Variants in BASP1 observed in about 807,000 individuals in gnomAD.
The protein encoded by BASP1 is brain acid soluble protein 1.
BASP1 carries 1 observed loss-of-function variant against 2.2 expected under a neutral mutation model. The ratio of observed to expected loss-of-function variants is 0.46; its 90% CI spans 0.16 to 2.17. The LOEUF (loss-of-function observed/expected upper bound fraction) is 2.17, where lower values mean the gene tolerates loss of function less well. Among genes scored for constraint, BASP1 ranks in the 30% most tolerant of loss-of-function variants. BASP1 has a pLI of 0.27. For missense variants in BASP1, 352 were observed against 327.2 expected, an observed-to-expected ratio of 1.08 and a Z score of -0.58; for synonymous variants, 187 against 154.2, an observed-to-expected ratio of 1.21 and a Z score of -1.58.
intron 1 of BASP1, among the ~76,000 whole-genome samples, chr5:17,222,560 T>A (rs1287471067): frequency 6.6e-6 from 1 of 152,148 alleles, no homozygotes; most frequent in African/African-American, 2.4e-5. Context: ...ATAGTTCAAT[T>A]GTAATTTTGA....
chr5:17,252,573 G>A (rs940636709), intron 1 of BASP1, among the ~76,000 whole-genome samples: 1 of 152,174 alleles, frequency 6.6e-6, no homozygotes, highest in Non-Finnish European at 1.5e-5. Flanking sequence ...TTTAACCTGT[G>A]TGTCCAGAGT....
intron 1 of BASP1, among the ~76,000 whole-genome samples, chr5:17,255,813 A>G (rs956483352): frequency 1.1e-4 from 17 of 152,190 alleles, no homozygotes; most frequent in African/African-American, 4.1e-4. Flanking sequence ...CTATTAAGAC[A>G]CTATGCCTTT....
chr5:17,263,985 CCGA>C (rs1481925099), intron 1 of BASP1, among the ~76,000 whole-genome samples: 1 of 152,124 alleles, frequency 6.6e-6, no homozygotes, highest in Non-Finnish European at 1.5e-5. Context: ...GAATCAGACA[CCGA>C]CAACAATAAT....
At chr5:17,248,782 A>G (rs550713563) in intron 1 of BASP1, among the ~76,000 whole-genome samples, 45 of 152,300 alleles carry the variant, frequency 3.0e-4, no homozygotes, top group African/African-American at 1.0e-3. Context: ...ATAATCTCTT[A>G]AAAAATATGT....
chr5:17,224,567 T>C (rs73756381), intron 1 of BASP1, among the ~76,000 whole-genome samples: 4,657 of 152,308 alleles, frequency 0.031, 228 homozygotes, highest in African/African-American at 0.1. Context: ...TGAAAAATTA[T>C]TTATGGAAGA....
chr5:17,275,225 C>T lies in BASP1; in HGVS notation c.9C>T (p.Gly3=). 1.9e-6 allele frequency: 3 copies of T among 1,613,430 alleles called. No individual in the cohort carries two copies. Among genetic ancestry groups the T allele is most frequent in the Non-Finnish European group, 2.5e-6 (3 of 1,179,848 alleles). The change falls in exon 2 of 2, where the codon GGC becomes GGT. Residue 3 remains glycine (G), a synonymous_variant. Transcript: ENST00000322611. The surrounding 1 kb of genome is among the most constrained non-coding windows in gnomAD (Gnocchi z 5.3). ...GCTTCCAGAACTCCAAGATGGGAGGCAAGCTCAGCAAGAAGAAGAAGGGCT... is the reference window on the plus strand; with the variant it reads ...GCTTCCAGAACTCCAAGATGGGAGGTAAGCTCAGCAAGAAGAAGAAGGGCT... MG[G]KLSKKKKGYN...
intron 1 of BASP1, among the ~76,000 whole-genome samples, chr5:17,242,137 G>T (rs1200278800): frequency 6.6e-6 from 1 of 152,130 alleles, no homozygotes; most frequent in African/African-American, 2.4e-5. Flanking sequence ...GGCGTTCTTT[G>T]ATGCACCATT....
At chr5:17,253,776 A>G (rs1740147131) in intron 1 of BASP1, among the ~76,000 whole-genome samples, 1 of 152,174 alleles carries the variant, frequency 6.6e-6, no homozygotes, top group Non-Finnish European at 1.5e-5. Flanking sequence ...CTGGGGTTAC[A>G]GACTGGAATC....
At chr5:17,270,577 A>G (rs1740511798) in intron 1 of BASP1, among the ~76,000 whole-genome samples, 2 of 152,250 alleles carry the variant, frequency 1.3e-5, no homozygotes, top group Non-Finnish European at 2.9e-5. Context: ...CACATATACC[A>G]AACATCTTTC....
intron 1 of BASP1, among the ~76,000 whole-genome samples, chr5:17,226,431 C>A (rs1222384279): frequency 1.3e-5 from 2 of 152,128 alleles, no homozygotes; most frequent in African/African-American, 4.8e-5. Flanking sequence ...ACCATTACCA[C>A]GTAGACTAAT....
chr5:17,223,022 CTCT>C (rs1300137502), intron 1 of BASP1, among the ~76,000 whole-genome samples: 2 of 132,898 alleles, frequency 1.5e-5, no homozygotes, highest in Non-Finnish European at 3.5e-5. Context: ...ATTTTATAAA[CTCT>C]TTTTTTTTTT....
At chr5:17,247,078 C>T (rs775901786) in intron 1 of BASP1, among the ~76,000 whole-genome samples, 13 of 152,092 alleles carry the variant, frequency 8.5e-5, no homozygotes, top group South Asian at 2.1e-4. Context: ...CCAGCTACTC[C>T]GGAAGCTGAG....
intron 1 of BASP1, among the ~76,000 whole-genome samples, chr5:17,243,373 C>G (rs116592093): frequency 1.3e-5 from 2 of 152,198 alleles, no homozygotes; most frequent in South Asian, 2.1e-4. Context: ...AGGCTAGTCT[C>G]GAAGTCCTGA....
intron 1 of BASP1, among the ~76,000 whole-genome samples, chr5:17,234,452 C>G (rs58727143): frequency 1.3e-5 from 2 of 152,100 alleles, no homozygotes; most frequent in Non-Finnish European, 2.9e-5. Context: ...TTAAATGAAA[C>G]ATCAGTGGCA....
intron 1 of BASP1, among the ~76,000 whole-genome samples, chr5:17,256,229 C>G (rs1278703659): frequency 6.6e-6 from 1 of 152,224 alleles, no homozygotes; most frequent in Non-Finnish European, 1.5e-5. Context: ...CTTTTCTACT[C>G]TAACTCTTGT....
At chr5:17,218,110 G>A (rs1739302785) in intron 1 of BASP1, among the ~76,000 whole-genome samples, 1 of 152,054 alleles carries the variant, frequency 6.6e-6, no homozygotes, top group Non-Finnish European at 1.5e-5. Context: ...GTCGGGGAGA[G>A]GAGCTGCGGG....
chr5:17,225,189 A>G (rs1052825318), intron 1 of BASP1, among the ~76,000 whole-genome samples: 19 of 151,850 alleles, frequency 1.3e-4, no homozygotes, highest in Non-Finnish European at 2.8e-4. Context: ...GAAGCAGAGA[A>G]TGTCTAATTG....
At chr5:17,227,407 T>TATAC (rs1491040742) in intron 1 of BASP1, among the ~76,000 whole-genome samples, 4 of 130,108 alleles carry the variant, frequency 3.1e-5, no homozygotes, top group African/African-American at 1.2e-4. Flanking sequence ...TATATATATA[T>TATAC]ACAATATTTT....
chr5:17,238,174 C>A (rs1020586617), intron 1 of BASP1, among the ~76,000 whole-genome samples: 5 of 151,738 alleles, frequency 3.3e-5, no homozygotes, highest in Admixed American at 6.6e-5. Flanking sequence ...CTCTTTTTTT[C>A]AGTACAGCAC....
Sources: gnomAD v4.1 joint callset for allele counts (sites outside exome capture counted in the v4.1 genomes callset) on GRCh38, gnomAD v4.1.1 for gene constraint, Gnocchi (gnomAD v3.1) non-coding constraint, MANE v1.5 for transcripts, NCBI Gene and HGNC (gene_info 2026-07-23, HGNC 2026-07-21) for gene names.